Variants in SMPX observed in about 807,000 individuals in gnomAD.
SMPX encodes the protein small muscular protein.
Under a neutral mutation model 6.3 loss-of-function variants are expected in SMPX, and 2 were observed. The ratio of observed to expected loss-of-function variants is 0.32; its 90% confidence interval spans 0.13 to 0.99. The LOEUF (loss-of-function observed/expected upper bound fraction) is 0.99, where lower values mean the gene tolerates loss of function less well. Among genes scored for constraint, SMPX ranks in the 50% least tolerant of loss-of-function variants. The pLI, the probability that SMPX is intolerant of heterozygous loss-of-function variation, is 0.49. For missense variants in SMPX, 60 were observed against 66.8 expected (o/e 0.90, Z 0.36); for synonymous variants, 32 against 24.7 (o/e 1.30, Z -0.88).
At chrX:21,715,385 C>G (rs1330538309) in intron 4 of SMPX, among the ~76,000 whole-genome samples, 1 of 110,589 alleles carries the variant, frequency 9.0e-6, no homozygotes, top group Non-Finnish European at 1.9e-5. Context: ...CACATTAAAT[C>G]TCCTGGAGGG....
chrX:21,749,189 G>T (rs953844643), intron 2 of SMPX, among the ~76,000 whole-genome samples: 81 of 112,317 alleles, frequency 7.2e-4, no homozygotes, highest in Non-Finnish European at 5.6e-4. Flanking sequence ...AATGATGCAG[G>T]ATTCATATAA....
At chrX:21,708,379 T>G (rs144576368) in intron 4 of SMPX, among the ~76,000 whole-genome samples, 2 of 112,565 alleles carry the variant, frequency 1.8e-5, no homozygotes, top group Non-Finnish European at 3.8e-5. Context: ...AGCAGAGATC[T>G]CTCTATAAGA....
intron 4 of SMPX, among the ~76,000 whole-genome samples, chrX:21,717,425 C>G (rs1395342890): frequency 8.9e-6 from 1 of 112,327 alleles, no homozygotes; most frequent in African/African-American, 3.2e-5. Context: ...ATTACCCAGT[C>G]TCAAATATGT....
At chrX:21,714,105 T>C (rs1309105074) in intron 4 of SMPX, among the ~76,000 whole-genome samples, 9 of 111,256 alleles carry the variant, frequency 8.1e-5, no homozygotes, top group East Asian at 5.6e-4. Flanking sequence ...TTTCAAGAGA[T>C]AATAAAACAA....
chrX:21,707,089 C>T (rs1288286420), intron 4 of SMPX, among the ~76,000 whole-genome samples: 1 of 108,416 alleles, frequency 9.2e-6, no homozygotes, highest in African/African-American at 3.4e-5. Flanking sequence ...CATCATCGCC[C>T]CATCCACATC....
intron 2 of SMPX, among the ~76,000 whole-genome samples, chrX:21,748,411 G>A (rs2092823814): frequency 9.0e-6 from 1 of 111,632 alleles, no homozygotes; most frequent in Admixed American, 9.5e-5. Context: ...CATCATCCAG[G>A]GAAAAGCAGA....
At chrX:21,745,211 G>A (rs745318419) in intron 2 of SMPX, among the ~76,000 whole-genome samples, 5 of 112,039 alleles carry the variant, frequency 4.5e-5, no homozygotes, top group African/African-American at 1.3e-4. Context: ...AGTATGTACC[G>A]CATATGTTAA....
At chrX:21,708,742 AAAG>A (rs1347667576) in intron 4 of SMPX, among the ~76,000 whole-genome samples, 2 of 112,490 alleles carry the variant, frequency 1.8e-5, no homozygotes, top group Non-Finnish European at 3.8e-5. Context: ...CTTATTATCA[AAAG>A]AACACAATAT....
chrX:21,731,472 ACATACACATT>A (rs2092803484), intron 4 of SMPX, among the ~76,000 whole-genome samples: 1 of 84,819 alleles, frequency 1.2e-5, no homozygotes, highest in African/African-American at 4.1e-5. Flanking sequence ...GTATGTGTAC[ACATACACATT>A]ATGTGTGTAT....
intron 1 of SMPX, among the ~76,000 whole-genome samples, chrX:21,756,676 C>T (rs2092833300): frequency 1.8e-5 from 2 of 112,463 alleles, no homozygotes; most frequent in Non-Finnish European, 3.8e-5. Context: ...ATGTAGAGTG[C>T]GGAACACACC....
At chrX:21,737,489 G>T in intron 4 of SMPX, 60 bp downstream of exon 4, 2 of 980,671 alleles carry the variant, frequency 2.0e-6, no homozygotes, top group South Asian at 3.9e-5. Flanking sequence ...TCTGTGGAAG[G>T]CTTCCTTAAA....
intron 1 of SMPX, among the ~76,000 whole-genome samples, chrX:21,755,993 T>C (rs1233597587): frequency 8.9e-6 from 1 of 112,576 alleles, no homozygotes; most frequent in African/African-American, 3.2e-5. Flanking sequence ...TGAAGGATTT[T>C]TAATTTGTGG....
rs1004158205 is a variant in SMPX at position 21,715,533 on chromosome X, T to C, written c.*15-9139A>G. Among the ~76,000 whole-genome samples, 3 of 111,101 alleles carry C rather than the reference T, an allele frequency of 2.7e-5. 1 individual carries two copies. Among genetic ancestry groups the C allele is most frequent in the Non-Finnish European group, 5.7e-5 (3 of 53,015 alleles). On this transcript the variant is annotated intron_variant, in intron 4 of 4. Transcript: ENST00000379494. The stretch of plus-strand genomic sequence containing the variant: ...ATTGAGAACCACAGCCTAGGAGGGC[T>C]TCTCAGTATTTAACATCCATATGAA...
chrX:21,715,302 G>A lies in SMPX; in HGVS notation c.*15-8908C>T, dbSNP rs894509655. On this transcript the variant is annotated intron_variant, in intron 4 of 4. Coordinates refer to ENST00000379494, the MANE Select transcript of SMPX (RefSeq NM_014332.3). ...TGTGTGTGTGTGTGTGTGTGTGTGT[G>A]TGCGCGCACGCGCGCGCGCTCGCGC... Among the ~76,000 whole-genome samples the A allele has an allele frequency of 1.9e-4, 19 of 97,517 alleles. No individual in the cohort carries two copies. In the South Asian group the frequency reaches 2.4e-3, roughly 12 times the overall value. 84.7% of individuals were successfully genotyped at this position (97,517 alleles called of 115,157 possible).
intron 2 of SMPX, among the ~76,000 whole-genome samples, chrX:21,745,513 T>C (rs2092820494): frequency 8.9e-6 from 1 of 112,143 alleles, no homozygotes; most frequent in Non-Finnish European, 1.9e-5. Context: ...AAAATAATGG[T>C]ATTTTACAAT....
Position 21,706,259 on chromosome X carries a change from G to T in SMPX, c.*150C>A. 2.0e-6 allele frequency: 1 copy of T among 503,688 alleles called. No homozygotes were observed. The highest frequency in any genetic ancestry group is 3.6e-6 in the Non-Finnish European group (1 of 280,825). The allele number at this position is 503,688 out of a possible 1,213,427, so 41.5% of individuals were successfully genotyped here. A position where few individuals can be genotyped will look rare whatever the true frequency, so the allele number is the denominator to read the frequency against. On this transcript the variant is annotated 3_prime_UTR_variant, in exon 5 of 5. Coordinates refer to ENST00000379494, the MANE Select transcript of SMPX (RefSeq NM_014332.3). Reference sequence around the variant, plus strand: ...AAGAAATACAGCCAACTAGAAGGAAGAGATATAAATGTACAAACAGGCCAT... The same window carrying T: ...AAGAAATACAGCCAACTAGAAGGAATAGATATAAATGTACAAACAGGCCAT...
intron 4 of SMPX, among the ~76,000 whole-genome samples, chrX:21,712,750 G>A (rs2092780116): frequency 8.9e-6 from 1 of 112,021 alleles, no homozygotes; most frequent in East Asian, 2.8e-4. Flanking sequence ...TGATAAATAA[G>A]TCAAGGAGAC....
intron 4 of SMPX, among the ~76,000 whole-genome samples, chrX:21,714,338 G>T (rs1220950598): frequency 8.9e-6 from 1 of 111,760 alleles, no homozygotes; most frequent in Non-Finnish European, 1.9e-5. Flanking sequence ...CATTTTTCCA[G>T]TTTTATACTG....
At chrX:21,731,483 ATGTGTGTATGTGTACACATACACATTATG>A (rs2092803621) in intron 4 of SMPX, among the ~76,000 whole-genome samples, 2 of 84,976 alleles carry the variant, frequency 2.4e-5, no homozygotes, top group Non-Finnish European at 4.7e-5. Context: ...CATACACATT[ATGTGTGTATGTGTACACATACACATTATG>A]TGTGTATGTG....
Sources: allele counts gnomAD v4.1 joint callset (sites outside exome capture counted in the v4.1 genomes callset), GRCh38; gene constraint gnomAD v4.1.1; transcripts MANE v1.5; gene names NCBI Gene and HGNC (gene_info 2026-07-23, HGNC 2026-07-21).